The following CAPG variants were observed in gnomAD, a reference collection of about 807,000 sequenced individuals.
The protein encoded by CAPG is capping actin protein, gelsolin like.
Under a neutral mutation model 44.6 loss-of-function variants are expected in CAPG, and 32 were observed. The observed-to-expected ratio is 0.72, with a 90% CI of 0.54 to 0.96. The LOEUF (loss-of-function observed/expected upper bound fraction) is 0.96, where lower values mean the gene tolerates loss of function less well. Ranked by LOEUF, CAPG falls within the 50% of genes least tolerant of loss-of-function variation. The pLI, the probability that CAPG is intolerant of heterozygous loss-of-function variation, is 0.00. For synonymous variants in CAPG, 175 were observed against 179.6 expected (o/e 0.97, Z 0.20); for missense variants, 412 against 438.3 (o/e 0.94, Z 0.54).
At chr2:85,403,886 CAAAAAAAAA>C (rs36054381) in intron 1 of CAPG, among the ~76,000 whole-genome samples, 2 of 69,790 alleles carry the variant, frequency 2.9e-5, no homozygotes, top group Non-Finnish European at 5.3e-5. Context: ...GACTCCATCT[CAAAAAAAAA>C]AAAAAAAAAA....
chr2:85,411,478 C>G (rs1017313178), upstream of CAPG, among the ~76,000 whole-genome samples: 16 of 152,216 alleles, frequency 1.1e-4, no homozygotes, highest in African/African-American at 3.9e-4. Flanking sequence ...GCAAGGGAGG[C>G]TCCCATTCCC....
chr2:85,402,616 CCAT>C (rs1439725768), intron 1 of CAPG, among the ~76,000 whole-genome samples: 1 of 151,964 alleles, frequency 6.6e-6, no homozygotes, highest in Non-Finnish European at 1.5e-5. Context: ...ACAGGCAACA[CCAT>C]CACACCTGGC....
chr2:85,400,542 C>T (rs1686831953), intron 5 of CAPG, among the ~76,000 whole-genome samples: 1 of 152,196 alleles, frequency 6.6e-6, no homozygotes, highest in African/African-American at 2.4e-5. Context: ...GTCCCCCAGC[C>T]CGGGTCCCAG....
chr2:85,414,256 C>CG (rs1219322053), upstream of CAPG, among the ~76,000 whole-genome samples: 1 of 152,214 alleles, frequency 6.6e-6, no homozygotes, highest in Non-Finnish European at 1.5e-5. Flanking sequence ...GTTAGGCCCC[C>CG]GGCCTCAATC....
intron 1 of CAPG, 56 bp from the exon 2 acceptor site, chr2:85,402,214 C>A: frequency 1.4e-6 from 2 of 1,460,772 alleles, no homozygotes; most frequent in East Asian, 2.4e-5. Context: ...GGACCTCTCA[C>A]GTGGGGCTGG....
In CAPG at chr2:85,410,330, G is replaced by T. The variant is rs1439140859; in HGVS notation, c.-27C>A. 1 of 152,620 alleles carries T rather than the reference G, an allele frequency of 6.6e-6. No homozygotes were observed. The highest frequency in any genetic ancestry group is 1.5e-5 in the Non-Finnish European group (1 of 68,358). The allele number at this position is 152,620 out of a possible 1,614,324, so 9.5% of individuals were successfully genotyped here. On this transcript the variant is annotated 5_prime_UTR_variant, in exon 1 of 10. Coordinates refer to ENST00000263867, the MANE Select transcript of CAPG (RefSeq NM_001747.4). Reference sequence around the variant, plus strand: ...TCTTCCTCCTACCTCTGCTTCGTAGGTTCGTCTTCCTTCCAGCCTGCCCCA... The same window carrying T: ...TCTTCCTCCTACCTCTGCTTCGTAGTTTCGTCTTCCTTCCAGCCTGCCCCA...
rs57572523 is a variant in CAPG, at chr2:85,397,704, A to AAAAGAAAG, written c.892+308_892+315dup. On this transcript the variant is annotated intron_variant, in intron 8 of 9. Transcript: ENST00000263867. ...GGTAACAGAGCAAGATTCCTTCTCA[A>AAAAGAAAG]AAAGAAAGAAAGAAAGAAAGAAAGA... Among the ~76,000 whole-genome samples, 141 of 149,238 alleles carry AAAAGAAAG rather than the reference A, an allele frequency of 9.4e-4. 1 individual carries two copies. The highest frequency in any genetic ancestry group is 3.5e-3 in the Middle Eastern group (1 of 288).
intron 2 of CAPG, 60 bp downstream of exon 2, chr2:85,402,063 G>A (rs1686929057): frequency 1.9e-6 from 3 of 1,609,478 alleles, no homozygotes; most frequent in Non-Finnish European, 2.6e-6. Flanking sequence ...CAGTGGGGAG[G>A]GGCAGCCCTT....
At position 85,394,892 on chromosome 2, in the gene CAPG, C is replaced by T; in HGVS notation, c.*1G>A. 6.2e-7 allele frequency: 1 copy of T among 1,611,540 alleles called. No homozygotes were observed. The stretch of plus-strand genomic sequence containing the variant: ...AGCATGGGGCAGGAAGACGCCCACC[C>T]TCATTTCCAGTCCTTGAAAAATTGC... On this transcript the variant is annotated 3_prime_UTR_variant, in exon 10 of 10. Coordinates refer to ENST00000263867, the MANE Select transcript of CAPG (RefSeq NM_001747.4).
chr2:85,412,370 G>A (rs373454177), upstream of CAPG, among the ~76,000 whole-genome samples: 3 of 151,616 alleles, frequency 2.0e-5, no homozygotes, highest in Non-Finnish European at 2.9e-5. Flanking sequence ...AAAATTAGCC[G>A]GGGGTGGTGG....
chr2:85,416,293 C>T (rs1234216110), intron 1 of CAPG, among the ~76,000 whole-genome samples: 1 of 152,160 alleles, frequency 6.6e-6, no homozygotes, highest in Non-Finnish European at 1.5e-5. Context: ...CTAGCAAGTT[C>T]TCGACCTGTC....
intron 5 of CAPG, among the ~76,000 whole-genome samples, chr2:85,400,947 G>C (rs995132841): frequency 6.6e-6 from 1 of 152,186 alleles, no homozygotes; most frequent in Admixed American, 6.5e-5. Flanking sequence ...CAAGAGGAGG[G>C]AAAAAGCTCC....
intron 1 of CAPG, among the ~76,000 whole-genome samples, chr2:85,415,443 CAT>C (rs1687532814): frequency 6.6e-6 from 1 of 152,194 alleles, no homozygotes; most frequent in African/African-American, 2.4e-5. Flanking sequence ...ATGCACAAAT[CAT>C]GTGTACATTT....
chr2:85,395,683 C>T lies in CAPG; in HGVS notation c.893-57G>A. ...GCAGGGACCCTCTTTAGCTGCCATC[C>T]CATTTTTCTTGAGGAAATTTAAGGG... is the stretch of plus-strand genomic sequence containing the variant. On this transcript the variant is annotated intron_variant, in intron 8 of 9. Coordinates refer to ENST00000263867, the MANE Select transcript of CAPG (RefSeq NM_001747.4). This position sits in a 1 kb window ranked among gnomAD's most constrained non-coding sequence, Gnocchi z 4.3. 2 of 1,298,632 alleles carry T rather than the reference C, an allele frequency of 1.5e-6. No homozygotes were observed. The highest frequency in any genetic ancestry group is 2.2e-6 in the Non-Finnish European group (2 of 914,196). The allele number at this position is 1,298,632 out of a possible 1,614,324, so 80.4% of individuals were successfully genotyped here. A position where few individuals can be genotyped will look rare whatever the true frequency, so the allele number is the denominator to read the frequency against.
At position 85,398,797 on chromosome 2, in the gene CAPG, G is replaced by A. The variant is rs369346311; in HGVS notation, c.667-15C>T. Reference sequence around the variant, plus strand: ...GGGCCCAGGACCTGCAGGGGCCAGGGCAGGCCAGGTTTATAGGGACCCCTG... The same window carrying A: ...GGGCCCAGGACCTGCAGGGGCCAGGACAGGCCAGGTTTATAGGGACCCCTG... On this transcript the variant is annotated splice_polypyrimidine_tract_variant and intron_variant, in intron 6 of 9. Coordinates refer to ENST00000263867, the MANE Select transcript of CAPG (RefSeq NM_001747.4). 22 of 1,581,446 alleles carry A rather than the reference G, an allele frequency of 1.4e-5. No individual in the cohort carries two copies. Among genetic ancestry groups the A allele is most frequent in the Middle Eastern group, 1.7e-4 (1 of 5,890 alleles).
chr2:85,415,685 A>G (rs1687537111), intron 1 of CAPG, among the ~76,000 whole-genome samples: 4 of 152,150 alleles, frequency 2.6e-5, no homozygotes, highest in Admixed American at 2.6e-4. Context: ...TTAACAGATT[A>G]GACAGCAAAA....
chr2:85,411,047 G>A, upstream of CAPG, among the ~76,000 whole-genome samples: 1 of 151,856 alleles, frequency 6.6e-6, no homozygotes. Context: ...TTTTTCTGGA[G>A]ACAGAGTCTT....
chr2:85,403,886 C>CAAAAAAAA (rs36054381), intron 1 of CAPG, among the ~76,000 whole-genome samples: 3 of 69,794 alleles, frequency 4.3e-5, no homozygotes, highest in Non-Finnish European at 5.3e-5. Flanking sequence ...GACTCCATCT[C>CAAAAAAAA]AAAAAAAAAA....
chr2:85,396,378 G>T (rs1263616005), intron 8 of CAPG, among the ~76,000 whole-genome samples: 3 of 151,814 alleles, frequency 2.0e-5, no homozygotes, highest in Admixed American at 6.5e-5. Context: ...TTTTTGTAGA[G>T]AAGTGATATT....
Sources: gnomAD v4.1 joint callset for allele counts (sites outside exome capture counted in the v4.1 genomes callset) on GRCh38, gnomAD v4.1.1 for gene constraint, Gnocchi (gnomAD v3.1) non-coding constraint, MANE v1.5 for transcripts, NCBI Gene and HGNC (gene_info 2026-07-23, HGNC 2026-07-21) for gene names.